MACF1: variants seen among roughly 807,000 people sequenced by gnomAD.
MACF1 encodes the protein microtubule actin crosslinking factor 1.
In MACF1, 193 loss-of-function variants were observed where a neutral mutation model predicts 854.8. The ratio of observed to expected loss-of-function variants is 0.23; its 90% CI spans 0.20 to 0.25. The LOEUF (loss-of-function observed/expected upper bound fraction) is 0.25, where lower values mean the gene tolerates loss of function less well. MACF1 is among the 10% of genes least tolerant of loss of function. The pLI is 1.00. For synonymous variants in MACF1, 3,185 were observed against 3,226.7 expected, an observed-to-expected ratio of 0.99 and a Z score of 0.44; for missense variants, 7,722 against 8,929.1, an observed-to-expected ratio of 0.86 and a Z score of 5.45.
intron 72 of MACF1, 68 bp from the exon 73 acceptor site, chr1:39,440,935 A>C: frequency 6.4e-7 from 1 of 1,563,310 alleles, no homozygotes; most frequent in Non-Finnish European, 8.8e-7. Flanking sequence ...TATAAATCAC[A>C]TTTGCAAAGT....
chr1:39,389,017 C>T (rs1359428332), intron 58 of MACF1, among the ~76,000 whole-genome samples: 2 of 150,836 alleles, frequency 1.3e-5, no homozygotes, highest in Admixed American at 1.3e-4. Flanking sequence ...GAGCTGGGAC[C>T]ACAGGCGCCA....
At chr1:39,390,381 A>C (rs1473568751) in intron 58 of MACF1, among the ~76,000 whole-genome samples, 1 of 152,240 alleles carries the variant, frequency 6.6e-6, no homozygotes, top group East Asian at 1.9e-4. Context: ...ACAGGATCCA[A>C]GTGCAAAAAT....
chr1:39,269,695 A>G, intron 6 of MACF1: 3 of 1,289,786 alleles, frequency 2.3e-6, no homozygotes, highest in Non-Finnish European at 3.0e-6. Flanking sequence ...GAGGCAAGCC[A>G]CACCCCATCA....
intron 2 of MACF1, among the ~76,000 whole-genome samples, chr1:39,237,997 G>A (rs560032714): frequency 2.0e-5 from 3 of 152,216 alleles, no homozygotes; most frequent in East Asian, 1.9e-4. Context: ...AGAGTAAAAG[G>A]TGTTAAAAAC....
At chr1:39,100,880 TAAATA>T (rs1215754816) in intron 2 of MACF1, among the ~76,000 whole-genome samples, 1 of 151,490 alleles carries the variant, frequency 6.6e-6, no homozygotes, top group Non-Finnish European at 1.5e-5. Flanking sequence ...TAAATTAAAT[TAAATA>T]AAGTAAACAA....
At chr1:39,341,369 A>G (rs1413194869) in intron 40 of MACF1, among the ~76,000 whole-genome samples, 1 of 151,530 alleles carries the variant, frequency 6.6e-6, no homozygotes, top group Admixed American at 6.6e-5. Flanking sequence ...TTTCCATTTT[A>G]TAAATAAAGT....
intron 1 of MACF1, among the ~76,000 whole-genome samples, chr1:39,208,170 T>TG (rs1644475128): frequency 6.6e-6 from 1 of 150,420 alleles, no homozygotes; most frequent in African/African-American, 2.4e-5. Context: ...AAAAGGGTTT[T>TG]TTTTTTTTAA....
At chr1:39,313,279 C>A (rs535602242) in intron 26 of MACF1, among the ~76,000 whole-genome samples, 1 of 152,278 alleles carries the variant, frequency 6.6e-6, no homozygotes, top group Admixed American at 6.5e-5. Context: ...TAATTTTCAT[C>A]TCTGGTTCCT....
intron 5 of MACF1, among the ~76,000 whole-genome samples, chr1:39,255,837 G>T (rs563633383): frequency 6.6e-6 from 1 of 152,146 alleles, no homozygotes; most frequent in Non-Finnish European, 1.5e-5. Flanking sequence ...AGGAAGCTGG[G>T]GTGGGGGCCT....
chr1:39,404,130 A>AAAAT (rs1210821625), intron 58 of MACF1, among the ~76,000 whole-genome samples: 1 of 144,896 alleles, frequency 6.9e-6, no homozygotes, highest in Non-Finnish European at 1.5e-5. Flanking sequence ...CTGCCTCAAA[A>AAAAT]AAATAAATAA....
chr1:39,245,169 C>T (rs1644968930), intron 2 of MACF1, among the ~76,000 whole-genome samples: 1 of 152,130 alleles, frequency 6.6e-6, no homozygotes, highest in Non-Finnish European at 1.5e-5. Context: ...ACATTAGGGC[C>T]TTGGTGTGAA....
chr1:39,096,840 C>T (rs1182428598), intron 2 of MACF1, among the ~76,000 whole-genome samples: 1 of 151,680 alleles, frequency 6.6e-6, no homozygotes, highest in Non-Finnish European at 1.5e-5. Context: ...ACCACTGCCA[C>T]CTGACCTACT....
At position 39,335,219 on chromosome 1, in the gene MACF1, C is replaced by T. The variant is rs765631205; in HGVS notation, c.8631C>T (p.Ser2877=). ...IINPHNLKGK[S]LGQVSLTHPY... is the part of the protein sequence containing the mutation. The stretch of plus-strand genomic sequence containing the variant: ...ATCCTCATAATCTTAAAGGTAAATC[C>T]TTGGGCCAAGTGTCATTGACACACC... Residue 2877 remains serine, a synonymous_variant, in exon 37 of 101, where the codon TCC becomes TCT. Transcript: ENST00000564288. 3 of 1,613,936 alleles carry T rather than the reference C, an allele frequency of 1.9e-6. No homozygotes were observed. Among genetic ancestry groups the T allele is most frequent in the South Asian group, 1.1e-5 (1 of 91,042 alleles).
intron 2 of MACF1, chr1:39,102,646 G>C (rs886074462): frequency 9.4e-6 from 6 of 638,190 alleles, no homozygotes; most frequent in East Asian, 2.7e-5. Flanking sequence ...CTTTAATTGG[G>C]AGGACACCAA....
intron 6 of MACF1, among the ~76,000 whole-genome samples, chr1:39,258,879 A>C (rs183205168): frequency 1.4e-4 from 21 of 152,260 alleles, no homozygotes; most frequent in Non-Finnish European, 2.4e-4. Flanking sequence ...CGAATTCCTG[A>C]GAGAAAAATC....
At chr1:39,485,076 A>C (rs914803318) in intron 100 of MACF1, 1 of 366,666 alleles carries the variant, frequency 2.7e-6, no homozygotes, top group African/African-American at 2.1e-5. Context: ...AACACGTCAT[A>C]CTTACTATGG....
Position 39,357,657 on chromosome 1 carries a change from A to G in MACF1, c.11707A>G (p.Met3903Val), listed in dbSNP as rs777422160. The G allele has an allele frequency of 1.9e-6, 3 of 1,614,190 alleles. No homozygotes were observed. Among genetic ancestry groups the G allele is most frequent in the Non-Finnish European group, 2.5e-6 (3 of 1,180,034 alleles). The change falls in exon 45 of 101, where the codon ATG becomes GTG. Residue 3903 changes from methionine (M) to valine (V), a missense_variant. Transcript: ENST00000564288. ...ACGATCCGAGAAAGAGCTGGAGAACATGCATAAGGGAGGCAGCAGCCCCGA... is the reference window on the plus strand; with the variant it reads ...ACGATCCGAGAAAGAGCTGGAGAACGTGCATAAGGGAGGCAGCAGCCCCGA... ...LERSEKELEN[M>V]HKGGSSPETL...
At chr1:39,172,647 TG>T in intron 2 of MACF1, among the ~76,000 whole-genome samples, 1 of 152,238 alleles carries the variant, frequency 6.6e-6, no homozygotes, top group Non-Finnish European at 1.5e-5. Context: ...CATACGTGGC[TG>T]TTCTTGTTCA....
At chr1:39,378,218 A>G (rs1311523832) in intron 52 of MACF1, among the ~76,000 whole-genome samples, 1 of 152,210 alleles carries the variant, frequency 6.6e-6, no homozygotes, top group Non-Finnish European at 1.5e-5. Flanking sequence ...TGGAGATTTA[A>G]TAAAAAGGGA....
Sources: gnomAD v4.1 joint callset for allele counts (sites outside exome capture counted in the v4.1 genomes callset) on GRCh38, gnomAD v4.1.1 for gene constraint, MANE v1.5 for transcripts, NCBI Gene and HGNC (gene_info 2026-07-23, HGNC 2026-07-21) for gene names.